The following PAIP1 variants were observed in gnomAD, a reference collection of about 807,000 sequenced individuals.
PAIP1 encodes polyadenylate-binding protein-interacting protein 1.
In PAIP1, 16 loss-of-function variants were observed where a neutral mutation model predicts 61.3. The ratio of observed to expected loss-of-function variants is 0.26; its 90% CI spans 0.18 to 0.40. The LOEUF (loss-of-function observed/expected upper bound fraction) is 0.40, where lower values mean the gene tolerates loss of function less well. Among genes scored for constraint, PAIP1 ranks in the 10% least tolerant of loss-of-function variants. The pLI, the probability that PAIP1 is intolerant of heterozygous loss-of-function variation, is 1.00. For synonymous variants in PAIP1, 187 were observed against 226.2 expected (o/e 0.83, Z 1.56); for missense variants, 416 against 600.9 (o/e 0.69, Z 3.22).
chr5:43,544,124 C>G (rs1252044887), intron 3 of PAIP1, among the ~76,000 whole-genome samples: 1 of 39,934 alleles, frequency 2.5e-5, no homozygotes, highest in African/African-American at 9.1e-5. Context: ...GTCTGGGTGA[C>G]AAAACAAAGC....
At chr5:43,530,965 A>T (rs1746905803) in intron 9 of PAIP1, among the ~76,000 whole-genome samples, 1 of 152,186 alleles carries the variant, frequency 6.6e-6, no homozygotes, top group African/African-American at 2.4e-5. Flanking sequence ...CCTCACCTGC[A>T]CAAACCTGGG....
chr5:43,553,617 G>C (rs955901799), intron 2 of PAIP1, among the ~76,000 whole-genome samples: 10 of 152,040 alleles, frequency 6.6e-5, no homozygotes, highest in African/African-American at 2.4e-4. Flanking sequence ...TAAGAGTCGG[G>C]GGAAAAAAGG....
rs183441325 is a variant in PAIP1, at chr5:43,547,024, C to T, written c.621+704G>A. Among the ~76,000 whole-genome samples, 5 of 100,264 alleles carry T rather than the reference C, an allele frequency of 5.0e-5. No individual in the cohort carries two copies. The East Asian group carries it at 1.6e-3, about 32-fold the overall frequency. The allele number at this position is 100,264 out of a possible 152,430, so 65.8% of individuals were successfully genotyped here. On this transcript the variant is annotated intron_variant, in intron 3 of 10. Coordinates refer to ENST00000306846, the MANE Select transcript of PAIP1 (RefSeq NM_006451.5). The stretch of plus-strand genomic sequence containing the variant: ...CGCCACTGCACTCCAGCCTGGGAGA[C>T]AGGGCAAGACTCCATATCAAAAAAA...
chr5:43,535,074 C>CCTTA, intron 7 of PAIP1, 104 bp from the exon 8 acceptor site: 1 of 686,718 alleles, frequency 1.5e-6, no homozygotes. Flanking sequence ...TTAACAGGTA[C>CCTTA]ATCTGATGCC....
chr5:43,538,446 G>GATA (rs547116947), intron 5 of PAIP1, among the ~76,000 whole-genome samples: 2 of 152,212 alleles, frequency 1.3e-5, no homozygotes, highest in South Asian at 4.1e-4. Flanking sequence ...GTACCATAAA[G>GATA]ATATAATTTT....
At chr5:43,545,769 C>CTG (rs1747611579) in intron 3 of PAIP1, among the ~76,000 whole-genome samples, 1 of 150,772 alleles carries the variant, frequency 6.6e-6, no homozygotes, top group Admixed American at 6.6e-5. Flanking sequence ...TGTATTTAAT[C>CTG]TGTCATTTTT....
intron 2 of PAIP1, among the ~76,000 whole-genome samples, chr5:43,551,101 A>G (rs1304806664): frequency 6.6e-6 from 1 of 152,142 alleles, no homozygotes; most frequent in African/African-American, 2.4e-5. Context: ...TGGGGGCCAA[A>G]TTAAGGAAAC....
chr5:43,546,245 C>T (rs957318169), intron 3 of PAIP1, among the ~76,000 whole-genome samples: 12 of 152,306 alleles, frequency 7.9e-5, no homozygotes, highest in South Asian at 2.1e-4. Context: ...AAATAGTTGA[C>T]GCTTATCAGG....
chr5:43,554,589 A>G (rs774758195), intron 2 of PAIP1, among the ~76,000 whole-genome samples: 2 of 152,178 alleles, frequency 1.3e-5, no homozygotes, highest in Non-Finnish European at 2.9e-5. Flanking sequence ...AGCCAAAAAG[A>G]GGTAATAAAA....
At position 43,535,647 on chromosome 5, in the gene PAIP1, AAGC is replaced by A; in HGVS notation, c.973-10_973-8del. On this transcript the variant is annotated splice_region_variant and splice_polypyrimidine_tract_variant and intron_variant, in intron 6 of 10. Transcript: ENST00000306846. ...CCAAAACTGATCCTGTCAACTAAAA[AAGC>A]AGGTGTCAGTAAAATAAGAAATTCA... 1 of 1,477,300 alleles carries A rather than the reference AAGC, an allele frequency of 6.8e-7. No homozygotes were observed. The highest frequency in any genetic ancestry group is 2.3e-5 in the East Asian group (1 of 44,068). The allele number at this position is 1,477,300 out of a possible 1,614,324, so 91.5% of individuals were successfully genotyped here.
Position 43,527,393 on chromosome 5 carries a change from G to A in PAIP1, c.1423C>T (p.Arg475Cys), listed in dbSNP as rs759381679. ...ATTTAACTTTACTGTTTTCGCTTAC[G>A]CTCTGATTCCAAACAAAACTTTTCA... The part of the protein sequence containing the change: ...AYEKFCLESE[R>C]KRKQ The change falls in exon 11 of 11, where the codon CGT becomes TGT. Residue 475 changes from arginine (R) to cysteine (C), a missense_variant. Physicochemically the swap from Arg to Cys is radical, Grantham distance 180. Transcript: ENST00000306846. 25 of 1,595,580 alleles carry A rather than the reference G, an allele frequency of 1.6e-5. No individual in the cohort carries two copies. Among genetic ancestry groups the A allele is most frequent in the Non-Finnish European group, 2.0e-5 (23 of 1,172,306 alleles).
At position 43,557,003 on chromosome 5, in the gene PAIP1, T is replaced by C. The variant is rs1041028027; in HGVS notation, c.-157A>G. 44 of 1,204,186 alleles carry C rather than the reference T, an allele frequency of 3.7e-5. No homozygotes were observed. The African/African-American group carries it at 6.6e-4, about 18-fold the overall frequency. The allele number at this position is 1,204,186 out of a possible 1,614,324, so 74.6% of individuals were successfully genotyped here. On this transcript the variant is annotated 5_prime_UTR_variant, in exon 1 of 11. Coordinates refer to ENST00000306846, the MANE Select transcript of PAIP1 (RefSeq NM_006451.5). ...GGCCCCGGCTCGGCTGCTCGGTGCT[T>C]CTGGCGGAGCGGACGGCAGCCCGAG...
chr5:43,538,735 T>A (rs887103889), intron 5 of PAIP1, among the ~76,000 whole-genome samples, 189 bp downstream of exon 5: 2 of 152,232 alleles, frequency 1.3e-5, no homozygotes, highest in African/African-American at 4.8e-5. Context: ...ATTCTGTCCA[T>A]GAGTAAATGT....
intron 3 of PAIP1, among the ~76,000 whole-genome samples, chr5:43,543,747 T>C (rs867836659): frequency 1.3e-5 from 2 of 151,588 alleles, no homozygotes; most frequent in African/African-American, 4.9e-5. Flanking sequence ...ATTGTTGATA[T>C]AACTGAAGCA....
intron 2 of PAIP1, among the ~76,000 whole-genome samples, chr5:43,551,893 G>T (rs1355338851): frequency 3.3e-5 from 5 of 152,114 alleles, no homozygotes; most frequent in Non-Finnish European, 7.4e-5. Flanking sequence ...GAGGCATAGA[G>T]TATTTGGAAC....
At chr5:43,530,773 G>C (rs895815963) in intron 9 of PAIP1, among the ~76,000 whole-genome samples, 8 of 152,052 alleles carry the variant, frequency 5.3e-5, no homozygotes, top group African/African-American at 1.9e-4. Context: ...AAGTCATCAG[G>C]TCACAAATGA....
chr5:43,556,252 A>T, intron 1 of PAIP1: 2 of 1,280,370 alleles, frequency 1.6e-6, no homozygotes, highest in Non-Finnish European at 2.0e-6. Flanking sequence ...TGTCGTTTTA[A>T]AGGGGTCGGT....
intron 6 of PAIP1, among the ~76,000 whole-genome samples, chr5:43,536,608 G>C (rs1234673625): frequency 6.6e-6 from 1 of 152,052 alleles, no homozygotes; most frequent in Non-Finnish European, 1.5e-5. Context: ...TGGAAATGGC[G>C]TAAAGGACTT....
At chr5:43,531,996 A>G (rs1192020930) in intron 9 of PAIP1, among the ~76,000 whole-genome samples, 2 of 152,202 alleles carry the variant, frequency 1.3e-5, no homozygotes, top group Admixed American at 6.5e-5. Context: ...ATGCAGAAAC[A>G]AAATTTAGCT....
Sources: allele counts gnomAD v4.1 joint callset (sites outside exome capture counted in the v4.1 genomes callset), GRCh38; gene constraint gnomAD v4.1.1; transcripts MANE v1.5; gene names NCBI Gene and HGNC (gene_info 2026-07-23, HGNC 2026-07-21).